CLVS1: variants seen among roughly 807,000 people sequenced by gnomAD.
CLVS1 encodes the protein clavesin 1, also known as clavesin-1.
CLVS1 carries 10 observed loss-of-function variants against 33.1 expected under a neutral mutation model. The ratio of observed to expected loss-of-function variants is 0.30; its 90% CI spans 0.19 to 0.51. The LOEUF (loss-of-function observed/expected upper bound fraction) is 0.51. Ranked by LOEUF, CLVS1 falls within the 20% of genes least tolerant of loss-of-function variation. The pLI, the probability that CLVS1 is intolerant of heterozygous loss-of-function variation, is 0.97. For synonymous variants in CLVS1, 163 were observed against 166.1 expected, an observed-to-expected ratio of 0.98 and a Z score of 0.14; for missense variants, 343 against 433.4, an observed-to-expected ratio of 0.79 and a Z score of 1.85.
chr8:61,030,247 G>C, the CLVS1 span, among the ~76,000 whole-genome samples: 4 of 148,914 alleles, frequency 2.7e-5, no homozygotes, highest in Admixed American at 6.8e-5. Context: ...CAGAAGAACT[G>C]TTTCTCTCCA....
At chr8:61,477,528 AG>A (rs1426033555) in intron 5 of CLVS1, among the ~76,000 whole-genome samples, 1 of 152,130 alleles carries the variant, frequency 6.6e-6, no homozygotes, top group East Asian at 1.9e-4. Context: ...TAGTCTTGGG[AG>A]GGTGTATGTG....
chr8:61,403,896 A>G (rs1814873079), intron 3 of CLVS1, among the ~76,000 whole-genome samples: 1 of 152,238 alleles, frequency 6.6e-6, no homozygotes, highest in Non-Finnish European at 1.5e-5. Context: ...AGAAAGCAGA[A>G]GAGTTGGCTG....
intron 2 of CLVS1, among the ~76,000 whole-genome samples, chr8:61,351,289 A>G (rs1812448987): frequency 6.6e-6 from 1 of 152,178 alleles, no homozygotes; most frequent in African/African-American, 2.4e-5. Flanking sequence ...TAAAAATTTT[A>G]AAGTGTCATT....
intron 2 of CLVS1, among the ~76,000 whole-genome samples, chr8:61,148,520 G>A (rs1024682371): frequency 9.9e-5 from 15 of 152,224 alleles, no homozygotes; most frequent in African/African-American, 3.6e-4. Context: ...AGGTTTTGCG[G>A]TAGCATGTGA....
intron 2 of CLVS1, among the ~76,000 whole-genome samples, chr8:61,226,508 G>A (rs1021249186): frequency 1.3e-5 from 2 of 152,098 alleles, no homozygotes; most frequent in African/African-American, 4.8e-5. Context: ...TTTCTCACAT[G>A]AGCACTTTAA....
At chr8:61,005,955 C>T in the CLVS1 span, among the ~76,000 whole-genome samples, 1 of 152,146 alleles carries the variant, frequency 6.6e-6, no homozygotes, top group Non-Finnish European at 1.5e-5. Context: ...CAGATTTTGG[C>T]ATTTAACTAT....
At chr8:61,406,899 G>T (rs575025476) in intron 3 of CLVS1, among the ~76,000 whole-genome samples, 1 of 152,216 alleles carries the variant, frequency 6.6e-6, no homozygotes, top group East Asian at 1.9e-4. Flanking sequence ...GCGAGCTGCC[G>T]CGCCAGGCCG....
At chr8:61,497,137 A>T (rs1013007227) in intron 5 of CLVS1, among the ~76,000 whole-genome samples, 1 of 152,134 alleles carries the variant, frequency 6.6e-6, no homozygotes, top group Non-Finnish European at 1.5e-5. Context: ...CCTCAAGACC[A>T]CCCTTTTCTG....
At chr8:61,064,790 C>G (rs1804645513) in intron 1 of CLVS1, among the ~76,000 whole-genome samples, 1 of 152,168 alleles carries the variant, frequency 6.6e-6, no homozygotes, top group Admixed American at 6.5e-5. Flanking sequence ...CAAGCTCTGC[C>G]TCCCGGGTTC....
intron 1 of CLVS1, among the ~76,000 whole-genome samples, chr8:61,121,206 G>A (rs1338365365): frequency 2.6e-5 from 4 of 152,072 alleles, no homozygotes; most frequent in African/African-American, 7.2e-5. Flanking sequence ...CTTCCAAAGT[G>A]AGGCAATGCC....
intron 5 of CLVS1, among the ~76,000 whole-genome samples, chr8:61,472,323 C>A (rs1817761666): frequency 6.6e-6 from 1 of 151,426 alleles, no homozygotes; most frequent in African/African-American, 2.4e-5. Flanking sequence ...GTGCTCATGA[C>A]ATAGTTTCTG....
At chr8:61,115,457 T>C (rs1805702904) in intron 1 of CLVS1, among the ~76,000 whole-genome samples, 1 of 152,124 alleles carries the variant, frequency 6.6e-6, no homozygotes, top group Non-Finnish European at 1.5e-5. Flanking sequence ...ACAAGTGCCA[T>C]GCTGGTGCAC....
chr8:61,454,387 C>G, intron 4 of CLVS1, 136 bp downstream of exon 4: 1 of 704,586 alleles, frequency 1.4e-6, no homozygotes, highest in African/African-American at 1.8e-5. Flanking sequence ...TCTACAGCCC[C>G]TAAGCATTTA....
chr8:61,356,345 T>G (rs1358771450), intron 2 of CLVS1, among the ~76,000 whole-genome samples: 1 of 152,188 alleles, frequency 6.6e-6, no homozygotes, highest in East Asian at 1.9e-4. Flanking sequence ...TTGTGAAAAT[T>G]TTCTCCCATT....
At chr8:61,468,946 C>A (rs563531375) in intron 5 of CLVS1, among the ~76,000 whole-genome samples, 1 of 152,262 alleles carries the variant, frequency 6.6e-6, no homozygotes, top group East Asian at 1.9e-4. Flanking sequence ...CCACACCCCA[C>A]GAGGTGCTGC....
intron 1 of CLVS1, among the ~76,000 whole-genome samples, chr8:61,112,071 A>T (rs1805637469): frequency 6.6e-6 from 1 of 152,134 alleles, no homozygotes; most frequent in Non-Finnish European, 1.5e-5. Context: ...AGTTGTGAAT[A>T]AGATCTTTTA....
chr8:61,155,329 A>T (rs1196125366), intron 2 of CLVS1, among the ~76,000 whole-genome samples: 2 of 152,204 alleles, frequency 1.3e-5, no homozygotes, highest in Non-Finnish European at 2.9e-5. Context: ...ACCCGCAAGA[A>T]AATGCCCCGG....
intron 2 of CLVS1, among the ~76,000 whole-genome samples, chr8:61,218,494 G>T (rs1808138772): frequency 6.6e-6 from 1 of 151,970 alleles, no homozygotes; most frequent in Non-Finnish European, 1.5e-5. Flanking sequence ...TATACTAGAG[G>T]CTGGGAAGGA....
the CLVS1 span, among the ~76,000 whole-genome samples, chr8:61,016,146 T>G: frequency 6.6e-6 from 1 of 152,252 alleles, no homozygotes; most frequent in Non-Finnish European, 1.5e-5. Context: ...CTTCAGGCTA[T>G]GTGTATAAGA....
Sources: gnomAD v4.1 joint callset for allele counts (sites outside exome capture counted in the v4.1 genomes callset) on GRCh38, gnomAD v4.1.1 for gene constraint, MANE v1.5 for transcripts, NCBI Gene and HGNC (gene_info 2026-07-23, HGNC 2026-07-21) for gene names.